Variants in EML4 observed in about 807,000 individuals in gnomAD.
EML4 encodes the protein echinoderm microtubule-associated protein-like 4.
A neutral mutation model predicts 129.0 loss-of-function variants in EML4; 72 were observed. The observed-to-expected ratio is 0.56, with a 90% confidence interval of 0.46 to 0.68. The LOEUF is 0.68. Ranked by LOEUF, EML4 falls within the 30% of genes least tolerant of loss-of-function variation. The pLI is 0.00. For synonymous variants in EML4, 532 were observed against 405.0 expected, an observed-to-expected ratio of 1.31 and a Z score of -3.77; for missense variants, 1,363 against 1,190.6, an observed-to-expected ratio of 1.14 and a Z score of -2.13.
chr2:42,293,177 C>G (rs894096934), intron 11 of EML4, among the ~76,000 whole-genome samples: 2 of 151,858 alleles, frequency 1.3e-5, no homozygotes, highest in Non-Finnish European at 2.9e-5. Context: ...GGCTTAATCA[C>G]AGCTCACTGC....
intron 17 of EML4, among the ~76,000 whole-genome samples, chr2:42,305,791 C>T (rs1289016798): frequency 6.6e-6 from 1 of 152,148 alleles, no homozygotes; most frequent in Non-Finnish European, 1.5e-5. Flanking sequence ...CTATTGTGAA[C>T]ATGCTTATGT....
At chr2:42,197,159 A>G (rs1308286714) in intron 1 of EML4, among the ~76,000 whole-genome samples, 3 of 152,068 alleles carry the variant, frequency 2.0e-5, no homozygotes, top group Admixed American at 2.0e-4. Context: ...ACCTCCCAGG[A>G]TCAGGTGATA....
chr2:42,194,443 C>T (rs1426542344), intron 1 of EML4, among the ~76,000 whole-genome samples: 21 of 150,804 alleles, frequency 1.4e-4, no homozygotes, highest in Non-Finnish European at 3.0e-5. Flanking sequence ...ATATTTTCCC[C>T]TACATTGTGG....
intron 6 of EML4, among the ~76,000 whole-genome samples, chr2:42,277,978 C>CTCTT (rs1319244355): frequency 2.0e-5 from 3 of 152,196 alleles, no homozygotes; most frequent in Admixed American, 1.3e-4. Context: ...TTATTACATA[C>CTCTT]TCTTCTCCTT....
intron 13 of EML4, among the ~76,000 whole-genome samples, chr2:42,298,761 T>G (rs2103698163): frequency 6.6e-6 from 1 of 152,260 alleles, no homozygotes; most frequent in South Asian, 2.1e-4. Flanking sequence ...TTTTGTCATG[T>G]TTAGAAATAC....
chr2:42,304,376 T>C, intron 16 of EML4, 108 bp from the exon 17 acceptor site: 1 of 772,994 alleles, frequency 1.3e-6, no homozygotes, highest in Admixed American at 2.1e-5. Context: ...CAAAGTTGAT[T>C]GAAATGTTAT....
chr2:42,174,174 T>G (rs994899023), intron 1 of EML4, among the ~76,000 whole-genome samples: 3 of 152,184 alleles, frequency 2.0e-5, no homozygotes, highest in Non-Finnish European at 4.4e-5. Flanking sequence ...CATAAGAAAT[T>G]TTAGAAAAAT....
In EML4 at chr2:42,212,383, A is replaced by G. The variant is rs1050383016; in HGVS notation, c.26-33122A>G. 1.7e-4 allele frequency among the ~76,000 whole-genome samples: 26 copies of G among 152,294 alleles called. No individual in the cohort carries two copies. In the East Asian group the frequency reaches 1.7e-3, roughly 10 times the overall value. ...TTAATGAATTAAATATTATACTTCC[A>G]TATTTTAATAGCCATTTAAAAGTTT... On this transcript the variant is annotated intron_variant, in intron 1 of 22. Coordinates refer to ENST00000318522, the MANE Select transcript of EML4 (RefSeq NM_019063.5).
intron 1 of EML4, among the ~76,000 whole-genome samples, chr2:42,184,089 T>C (rs1358845987): frequency 6.6e-6 from 1 of 152,214 alleles, no homozygotes; most frequent in Non-Finnish European, 1.5e-5. Context: ...GTTAAATGTT[T>C]TTTGAATGAG....
chr2:42,210,164 C>T (rs1039544042), intron 1 of EML4, among the ~76,000 whole-genome samples: 9 of 152,138 alleles, frequency 5.9e-5, no homozygotes, highest in Admixed American at 3.3e-4. Flanking sequence ...TACCTAGTGC[C>T]TCTTTTCTCT....
At chr2:42,202,632 A>G (rs571953522) in intron 1 of EML4, among the ~76,000 whole-genome samples, 1 of 152,272 alleles carries the variant, frequency 6.6e-6, no homozygotes, top group South Asian at 2.1e-4. Context: ...CAGGAGAAAG[A>G]TGGAGGCCAG....
chr2:42,208,435 T>C (rs909779703), intron 1 of EML4, among the ~76,000 whole-genome samples: 1 of 150,866 alleles, frequency 6.6e-6, no homozygotes, highest in East Asian at 1.9e-4. Context: ...ATTTTTTTTC[T>C]TTTCTTTTCT....
At chr2:42,240,540 TCATCTTGTAGATTTTTCAA>T (rs1043456268) in intron 1 of EML4, among the ~76,000 whole-genome samples, 1 of 152,242 alleles carries the variant, frequency 6.6e-6, no homozygotes, top group African/African-American at 2.4e-5. Context: ...TCCACTTAAG[TCATCTTGTAGATTTTTCAA>T]ATTTTTAGCT....
chr2:42,197,767 CAGTA>C (rs1288080905), intron 1 of EML4, among the ~76,000 whole-genome samples: 1 of 152,178 alleles, frequency 6.6e-6, no homozygotes, highest in Non-Finnish European at 1.5e-5. Flanking sequence ...TCAGTTAAGC[CAGTA>C]AGTGTGTCAT....
chr2:42,293,339 A>T (rs1435814833), intron 11 of EML4, among the ~76,000 whole-genome samples: 1 of 152,128 alleles, frequency 6.6e-6, no homozygotes, highest in African/African-American at 2.4e-5. Flanking sequence ...TGGCCTCAGC[A>T]GTCCTCCCAC....
chr2:42,193,711 G>A (rs1002689222), intron 1 of EML4, among the ~76,000 whole-genome samples: 2 of 151,642 alleles, frequency 1.3e-5, no homozygotes, highest in African/African-American at 4.9e-5. Context: ...AATGAAGTGG[G>A]GTCTTGGTAT....
At chr2:42,169,814 C>G (rs1233897158) in intron 1 of EML4, 178 bp downstream of exon 1, 2 of 600,588 alleles carry the variant, frequency 3.3e-6, no homozygotes, top group South Asian at 2.4e-5. Context: ...GGCCCCTCCC[C>G]CATGTCCAAC....
At chr2:42,281,759 G>C (rs943777812) in intron 7 of EML4, among the ~76,000 whole-genome samples, 1 of 152,110 alleles carries the variant, frequency 6.6e-6, no homozygotes, top group African/African-American at 2.4e-5. Flanking sequence ...TTAAATGACT[G>C]TTAAAGGAGA....
At chr2:42,173,904 G>C (rs1273414673) in intron 1 of EML4, among the ~76,000 whole-genome samples, 2 of 152,188 alleles carry the variant, frequency 1.3e-5, no homozygotes, top group African/African-American at 2.4e-5. Flanking sequence ...TTAAGCCTAA[G>C]TACCAGAAAT....
Sources: allele counts gnomAD v4.1 joint callset (sites outside exome capture counted in the v4.1 genomes callset), GRCh38; gene constraint gnomAD v4.1.1; transcripts MANE v1.5; gene names NCBI Gene and HGNC (gene_info 2026-07-23, HGNC 2026-07-21).